The following STK32B variants were observed in gnomAD, a reference collection of about 807,000 sequenced individuals.
The protein encoded by STK32B is serine/threonine kinase 32B.
In STK32B, 43 loss-of-function variants were observed where a neutral mutation model predicts 52.6. The ratio of observed to expected loss-of-function variants is 0.82; its 90% confidence interval spans 0.64 to 1.05. The LOEUF is 1.05. STK32B is among the 50% of genes least tolerant of loss of function. The pLI, the probability that STK32B is intolerant of heterozygous loss-of-function variation, is 0.00. For missense variants in STK32B, 621 were observed against 534.6 expected (o/e 1.16, Z -1.59); for synonymous variants, 238 against 204.3 (o/e 1.17, Z -1.41).
At chr4:5,406,449 C>G (rs1283090015) in intron 5 of STK32B, among the ~76,000 whole-genome samples, 2 of 152,156 alleles carry the variant, frequency 1.3e-5, no homozygotes, top group African/African-American at 2.4e-5. Flanking sequence ...TGTGGGGGCT[C>G]CAACCCCACA....
At chr4:5,109,226 T>C (rs538947954) in intron 1 of STK32B, among the ~76,000 whole-genome samples, 1 of 152,290 alleles carries the variant, frequency 6.6e-6, no homozygotes, top group East Asian at 1.9e-4. Context: ...AGCTGCCTCA[T>C]TTTTCTAATG....
rs185393495 is a variant in STK32B at position 5,065,955 on chromosome 4, C to T, written c.52+14040C>T. On this transcript the variant is annotated intron_variant, in intron 1 of 11. Coordinates refer to ENST00000282908, the MANE Select transcript of STK32B (RefSeq NM_018401.3). ...GCCAGGCTAGTCTCAAACTCCTGGC[C>T]TCAAGTGATCTGCCCGCCTCAGCCT... Among the ~76,000 whole-genome samples, 66 of 152,210 alleles carry T rather than the reference C, an allele frequency of 4.3e-4. No homozygotes were observed. The East Asian group carries it at 9.3e-3, about 21-fold the overall frequency.
chr4:5,108,300 A>G (rs11722284), intron 1 of STK32B, among the ~76,000 whole-genome samples: 32,958 of 152,126 alleles, frequency 0.22, 3,571 homozygotes, highest in South Asian at 0.25. Context: ...TTCCAGTTTG[A>G]GGCTAGAATA....
intron 3 of STK32B, among the ~76,000 whole-genome samples, chr4:5,237,049 T>C (rs1456498057): frequency 6.6e-6 from 1 of 152,176 alleles, no homozygotes; most frequent in African/African-American, 2.4e-5. Context: ...GAACTTGGTT[T>C]GTAGGAGGAG....
chr4:5,173,529 A>C (rs939932508), intron 3 of STK32B, among the ~76,000 whole-genome samples: 1 of 152,148 alleles, frequency 6.6e-6, no homozygotes, highest in African/African-American at 2.4e-5. Context: ...GTTTCAAAGA[A>C]CATCTTTATT....
At chr4:5,152,909 T>TAGG (rs2108847485) in intron 2 of STK32B, among the ~76,000 whole-genome samples, 1 of 152,336 alleles carries the variant, frequency 6.6e-6, no homozygotes, top group East Asian at 1.9e-4. Flanking sequence ...TTCCAGTATT[T>TAGG]GCCACCTAAA....
chr4:5,377,549 G>A (rs1330621169), intron 4 of STK32B, among the ~76,000 whole-genome samples: 1 of 152,160 alleles, frequency 6.6e-6, no homozygotes, highest in African/African-American at 2.4e-5. Flanking sequence ...TTCCACAAAA[G>A]ATATCCAGTG....
intron 2 of STK32B, among the ~76,000 whole-genome samples, chr4:5,155,698 G>A (rs1717770689): frequency 6.6e-6 from 1 of 152,128 alleles, no homozygotes; most frequent in South Asian, 2.1e-4. Flanking sequence ...TTTAAGGTGT[G>A]GCACTTCCTT....
intron 3 of STK32B, among the ~76,000 whole-genome samples, chr4:5,245,213 A>G (rs1429034267): frequency 1.3e-5 from 2 of 152,170 alleles, no homozygotes; most frequent in Non-Finnish European, 2.9e-5. Flanking sequence ...GTTGGAGTCC[A>G]AGAATCTTTG....
intron 11 of STK32B, 134 bp downstream of exon 11, chr4:5,468,204 A>C: frequency 1.2e-6 from 1 of 834,628 alleles, no homozygotes; most frequent in South Asian, 1.5e-5. Context: ...GGTGAGACAC[A>C]GGGCTCTGGT....
chr4:5,318,695 G>A (rs1339724220), intron 3 of STK32B, among the ~76,000 whole-genome samples: 3 of 152,140 alleles, frequency 2.0e-5, no homozygotes, highest in Non-Finnish European at 4.4e-5. Flanking sequence ...AAGCACATTT[G>A]ACTAACTCCA....
At chr4:5,266,477 GTTAA>G in intron 3 of STK32B, among the ~76,000 whole-genome samples, 1 of 152,294 alleles carries the variant, frequency 6.6e-6, no homozygotes, top group Non-Finnish European at 1.5e-5. Context: ...ACAACAGCTG[GTTAA>G]TTAAATTCAC....
intron 3 of STK32B, among the ~76,000 whole-genome samples, chr4:5,283,058 G>T (rs1345614238): frequency 6.6e-6 from 1 of 151,904 alleles, no homozygotes; most frequent in Non-Finnish European, 1.5e-5. Context: ...ACCCTTACAT[G>T]AACAACTCCC....
At chr4:5,201,952 T>G (rs1432667930) in intron 3 of STK32B, among the ~76,000 whole-genome samples, 2 of 152,134 alleles carry the variant, frequency 1.3e-5, no homozygotes, top group African/African-American at 4.8e-5. Context: ...AAATCTTATG[T>G]TTTTCTCACA....
At chr4:5,426,692 C>CAAAAAAAA (rs746246839) in intron 6 of STK32B, among the ~76,000 whole-genome samples, 1,858 of 77,986 alleles carry the variant, frequency 0.024, 38 homozygotes, top group Middle Eastern at 0.033. Context: ...TCCATCTAAA[C>CAAAAAAAA]AAAAAAAAAA....
the STK32B span, among the ~76,000 whole-genome samples, chr4:5,020,196 A>T: frequency 6.6e-6 from 1 of 152,216 alleles, no homozygotes; most frequent in Non-Finnish European, 1.5e-5. Flanking sequence ...CATCTCCCTC[A>T]GGGCTAACTT....
chr4:5,220,203 C>T (rs1441025081), intron 3 of STK32B, among the ~76,000 whole-genome samples: 1 of 152,144 alleles, frequency 6.6e-6, no homozygotes, highest in Non-Finnish European at 1.5e-5. Context: ...GAGAACTATC[C>T]AGGGTCCTGA....
At chr4:5,065,160 A>T (rs1390942001) in intron 1 of STK32B, among the ~76,000 whole-genome samples, 1 of 152,114 alleles carries the variant, frequency 6.6e-6, no homozygotes, top group Non-Finnish European at 1.5e-5. Context: ...GTCAGGGTGC[A>T]GTCAGGACCC....
At chr4:5,199,145 C>T (rs945872918) in intron 3 of STK32B, among the ~76,000 whole-genome samples, 6 of 151,968 alleles carry the variant, frequency 3.9e-5, no homozygotes, top group African/African-American at 1.5e-4. Flanking sequence ...GATTGGTGAC[C>T]GAGGCTGCCC....
Sources: gnomAD v4.1 joint callset for allele counts (sites outside exome capture counted in the v4.1 genomes callset) on GRCh38, gnomAD v4.1.1 for gene constraint, MANE v1.5 for transcripts, NCBI Gene and HGNC (gene_info 2026-07-23, HGNC 2026-07-21) for gene names.